Variants in NAV3 observed in about 807,000 individuals in gnomAD.
The protein encoded by NAV3 is neuron navigator 3, also known as pore membrane and/or filament interacting like protein 1.
A neutral mutation model predicts 244.7 loss-of-function variants in NAV3; 87 were observed. The observed-to-expected ratio is 0.36, with a 90% CI of 0.30 to 0.42. NAV3 has a LOEUF of 0.42. Among genes scored for constraint, NAV3 ranks in the 20% least tolerant of loss-of-function variants. NAV3 has a pLI of 1.00. For synonymous variants in NAV3, 1,126 were observed against 1,042.2 expected (o/e 1.08, Z -1.55); for missense variants, 2,663 against 2,893.3 (o/e 0.92, Z 1.83).
At chr12:77,904,240 A>T (rs1885678416) in intron 1 of NAV3, among the ~76,000 whole-genome samples, 1 of 152,238 alleles carries the variant, frequency 6.6e-6, no homozygotes, top group African/African-American at 2.4e-5. Context: ...ACTTGGAACC[A>T]AGCCAAATGT....
chr12:78,195,378 T>C (rs538919780), intron 34 of NAV3, among the ~76,000 whole-genome samples: 3 of 151,472 alleles, frequency 2.0e-5, no homozygotes, highest in South Asian at 2.1e-4. Flanking sequence ...TATTATTTGC[T>C]TTTTTTTCCC....
At chr12:77,657,592 C>T (rs1196216542) in intron 2 of NAV3, among the ~76,000 whole-genome samples, 1 of 152,172 alleles carries the variant, frequency 6.6e-6, no homozygotes, top group South Asian at 2.1e-4. Flanking sequence ...AGGGAATCCT[C>T]CCTAACTCAT....
chr12:77,684,410 A>G (rs1161655100), intron 2 of NAV3, among the ~76,000 whole-genome samples: 5 of 151,072 alleles, frequency 3.3e-5, no homozygotes, highest in Non-Finnish European at 5.9e-5. Context: ...TTGTTTTTTG[A>G]CAGTGTTTTA....
intron 2 of NAV3, among the ~76,000 whole-genome samples, chr12:77,734,810 A>T (rs1247461690): frequency 6.6e-6 from 1 of 152,160 alleles, no homozygotes; most frequent in African/African-American, 2.4e-5. Flanking sequence ...TAATGTGTTA[A>T]CCTTGACCAG....
intron 12 of NAV3, among the ~76,000 whole-genome samples, chr12:78,105,853 T>C (rs371600017): frequency 1.3e-5 from 2 of 151,874 alleles, no homozygotes; most frequent in South Asian, 2.1e-4. Flanking sequence ...TCTGAAGTCA[T>C]TGGAATTGAA....
At chr12:77,776,222 T>A (rs142176195) in intron 2 of NAV3, among the ~76,000 whole-genome samples, 53 of 152,288 alleles carry the variant, frequency 3.5e-4, no homozygotes, top group African/African-American at 1.2e-3. Flanking sequence ...ATTTGAAAAA[T>A]GTAAAACATT....
intron 2 of NAV3, among the ~76,000 whole-genome samples, chr12:77,731,520 G>T (rs550309905): frequency 1.3e-5 from 2 of 152,080 alleles, no homozygotes; most frequent in South Asian, 4.1e-4. Context: ...TATCCAAATT[G>T]TGATTGGCAA....
At chr12:77,904,559 G>T (rs967393189) in intron 1 of NAV3, among the ~76,000 whole-genome samples, 3 of 152,010 alleles carry the variant, frequency 2.0e-5, no homozygotes, top group Non-Finnish European at 4.4e-5. Flanking sequence ...CGAGTTAATG[G>T]GTGCAGCACA....
intron 38 of NAV3, 54 bp from the exon 39 acceptor site, chr12:78,204,881 T>A: frequency 6.5e-7 from 1 of 1,538,042 alleles, no homozygotes; most frequent in East Asian, 2.3e-5. Flanking sequence ...GTCCCCTTTT[T>A]TGCTGAATAG....
intron 1 of NAV3, among the ~76,000 whole-genome samples, chr12:77,931,770 G>A (rs1185608395): frequency 1.3e-5 from 2 of 152,132 alleles, no homozygotes; most frequent in Non-Finnish European, 2.9e-5. Context: ...GGGAGGCTGA[G>A]GCCGGAGAAT....
chr12:78,029,447 A>G (rs1878615137), intron 9 of NAV3, among the ~76,000 whole-genome samples: 1 of 152,222 alleles, frequency 6.6e-6, no homozygotes, highest in Non-Finnish European at 1.5e-5. Flanking sequence ...CATTCATTAC[A>G]GAACAATAAA....
intron 6 of NAV3, among the ~76,000 whole-genome samples, chr12:77,996,519 C>T (rs545670854): frequency 7.2e-4 from 109 of 152,174 alleles, no homozygotes; most frequent in Admixed American, 2.0e-3. Flanking sequence ...AGCTATTAAC[C>T]GTTCTAAGAA....
chr12:77,733,843 T>G (rs1374024422), intron 2 of NAV3, among the ~76,000 whole-genome samples: 1 of 150,716 alleles, frequency 6.6e-6, no homozygotes, highest in African/African-American at 2.5e-5. Flanking sequence ...GATTTTTTTT[T>G]TTTTTTTTTT....
intron 2 of NAV3, among the ~76,000 whole-genome samples, chr12:77,609,037 C>G (rs2136808923): frequency 6.6e-6 from 1 of 152,162 alleles, no homozygotes; most frequent in Admixed American, 6.6e-5. Flanking sequence ...TCTCTGCCTT[C>G]TAATACAGGA....
intron 2 of NAV3, among the ~76,000 whole-genome samples, chr12:77,777,562 C>T (rs1034221792): frequency 2.6e-5 from 4 of 152,164 alleles, no homozygotes; most frequent in Admixed American, 6.5e-5. Context: ...ATTTAAAACT[C>T]ATGAATTGTT....
intron 1 of NAV3, among the ~76,000 whole-genome samples, chr12:77,908,914 T>C (rs1241566182): frequency 6.6e-6 from 1 of 152,090 alleles, no homozygotes; most frequent in Non-Finnish European, 1.5e-5. Context: ...ATAGATTTCA[T>C]AGTTCAGTAA....
rs566761658 is a variant in NAV3, at chr12:77,968,439, C to G, written c.488-80C>G. ...TATCTCTGTCTTCATAGATTTATTT[C>G]AAGAGAAATGCATCTAGAATTTGTT... On this transcript the variant is annotated intron_variant, in intron 4 of 39. Coordinates refer to ENST00000397909, the MANE Select transcript of NAV3 (RefSeq NM_001024383.2). 78 of 1,111,216 alleles carry G rather than the reference C, an allele frequency of 7.0e-5. No homozygotes were observed. The South Asian group carries it at 1.0e-3, about 14-fold the overall frequency. 68.8% of individuals were successfully genotyped at this position (1,111,216 alleles called of 1,614,324 possible).
chr12:78,195,602 A>C (rs1959166065), intron 34 of NAV3, among the ~76,000 whole-genome samples: 4 of 151,902 alleles, frequency 2.6e-5, no homozygotes, highest in Admixed American at 2.0e-4. Flanking sequence ...TGCCAGTTGG[A>C]ATTAATCTCT....
intron 34 of NAV3, among the ~76,000 whole-genome samples, chr12:78,192,415 T>TTA (rs957672486): frequency 1.1e-4 from 16 of 150,284 alleles, no homozygotes; most frequent in African/African-American, 3.7e-4. Context: ...TTTTATTTAT[T>TTA]TTTTTTTTGA....
Sources: allele counts gnomAD v4.1 joint callset (sites outside exome capture counted in the v4.1 genomes callset), GRCh38; gene constraint gnomAD v4.1.1; transcripts MANE v1.5; gene names NCBI Gene and HGNC (gene_info 2026-07-23, HGNC 2026-07-21).